The following MMP16 variants were observed in gnomAD, a reference collection of about 807,000 sequenced individuals.
MMP16 encodes matrix metallopeptidase 16.
MMP16 carries 12 observed loss-of-function variants against 67.8 expected under a neutral mutation model. The ratio of observed to expected loss-of-function variants is 0.18; its 90% confidence interval spans 0.11 to 0.29. MMP16 has a LOEUF of 0.29. Among genes scored for constraint, MMP16 ranks in the 10% least tolerant of loss-of-function variants. The pLI, the probability that MMP16 is intolerant of heterozygous loss-of-function variation, is 1.00. For missense variants in MMP16, 475 were observed against 765.7 expected, an observed-to-expected ratio of 0.62 and a Z score of 4.48; for synonymous variants, 249 against 255.9, an observed-to-expected ratio of 0.97 and a Z score of 0.26.
At chr8:88,107,708 C>A (rs1420021117) in intron 6 of MMP16, among the ~76,000 whole-genome samples, 2 of 150,982 alleles carry the variant, frequency 1.3e-5, no homozygotes, top group Non-Finnish European at 3.0e-5. Flanking sequence ...ACAAGTGTAG[C>A]CCTAGATGTT....
intron 5 of MMP16, 58 bp downstream of exon 5, chr8:88,118,642 C>T: frequency 6.8e-7 from 1 of 1,479,842 alleles, no homozygotes; most frequent in Non-Finnish European, 9.4e-7. Flanking sequence ...GAAGAAAACA[C>T]AGCAGAAATT....
At chr8:88,179,761 T>G (rs1474555411) in intron 3 of MMP16, among the ~76,000 whole-genome samples, 1 of 152,176 alleles carries the variant, frequency 6.6e-6, no homozygotes, top group East Asian at 1.9e-4. Context: ...AGACTTAGAT[T>G]ACTTGCACAT....
intron 1 of MMP16, among the ~76,000 whole-genome samples, chr8:88,239,672 T>A (rs145920982): frequency 9.7e-4 from 148 of 152,332 alleles, no homozygotes; most frequent in African/African-American, 3.1e-3. Context: ...TTATGTTTTT[T>A]AAATATAGTC....
intron 1 of MMP16, among the ~76,000 whole-genome samples, chr8:88,298,306 T>A (rs988860286): frequency 2.0e-5 from 3 of 152,210 alleles, no homozygotes; most frequent in Admixed American, 1.3e-4. Context: ...CATGTGACTA[T>A]CAAAGTGTAG....
Position 88,183,663 on chromosome 8 carries a change from T to C in MMP16, c.404+2813A>G, listed in dbSNP as rs182699789. On this transcript the variant is annotated intron_variant, in intron 3 of 9. Coordinates refer to ENST00000286614, the MANE Select transcript of MMP16 (RefSeq NM_005941.5). ...ATATGTGAACTATATAACGAAAGTGTAGTATTTATTTTCATAGATGCCATT... is the reference window on the plus strand; with the variant it reads ...ATATGTGAACTATATAACGAAAGTGCAGTATTTATTTTCATAGATGCCATT... 2.7e-3 allele frequency among the ~76,000 whole-genome samples: 414 copies of C among 151,498 alleles called. 4 individuals carry two copies. The Middle Eastern group carries it at 0.049, about 18-fold the overall frequency.
chr8:88,277,616 T>C, intron 1 of MMP16, among the ~76,000 whole-genome samples: 1 of 152,232 alleles, frequency 6.6e-6, no homozygotes, highest in East Asian at 1.9e-4. Flanking sequence ...TACAAGTGCC[T>C]TTGTAAACCA....
chr8:88,063,874 A>G (rs561412373), intron 7 of MMP16, among the ~76,000 whole-genome samples: 1 of 152,198 alleles, frequency 6.6e-6, no homozygotes, highest in South Asian at 2.1e-4. Context: ...GTGTTTATCA[A>G]TTAACCCACT....
chr8:88,265,261 C>T (rs73692211), intron 1 of MMP16, among the ~76,000 whole-genome samples: 13,977 of 119,808 alleles, frequency 0.12, 866 homozygotes, highest in South Asian at 0.19. Context: ...AGACAGAGTC[C>T]TAGGGAGGTC....
chr8:88,315,298 GC>G (rs1234171999), intron 1 of MMP16, among the ~76,000 whole-genome samples: 1 of 152,038 alleles, frequency 6.6e-6, no homozygotes, highest in Non-Finnish European at 1.5e-5. Flanking sequence ...AATATTTCAA[GC>G]TTTTTCATTA....
intron 1 of MMP16, among the ~76,000 whole-genome samples, chr8:88,206,879 C>A (rs1185328020): frequency 6.6e-6 from 1 of 152,086 alleles, no homozygotes; most frequent in Non-Finnish European, 1.5e-5. Context: ...TTACTGTGAT[C>A]ATTAAATAGT....
At chr8:88,129,757 C>A (rs940394395) in intron 4 of MMP16, among the ~76,000 whole-genome samples, 5 of 151,182 alleles carry the variant, frequency 3.3e-5, no homozygotes, top group Non-Finnish European at 7.4e-5. Context: ...AAAATTATAA[C>A]CTTAGTACCT....
At chr8:88,198,652 A>G (rs1809294024) in intron 1 of MMP16, among the ~76,000 whole-genome samples, 2 of 152,076 alleles carry the variant, frequency 1.3e-5, no homozygotes, top group Admixed American at 1.3e-4. Flanking sequence ...TTTTCATGGT[A>G]TTTCCAAAAA....
intron 6 of MMP16, among the ~76,000 whole-genome samples, chr8:88,110,772 A>C (rs987789578): frequency 6.6e-6 from 1 of 151,822 alleles, no homozygotes; most frequent in African/African-American, 2.4e-5. Flanking sequence ...ATGGCCATAT[A>C]CTATAATTTT....
intron 4 of MMP16, among the ~76,000 whole-genome samples, chr8:88,135,364 C>G (rs1205193395): frequency 6.6e-6 from 1 of 151,692 alleles, no homozygotes; most frequent in Admixed American, 6.6e-5. Context: ...AAAATAAGGT[C>G]CCAGTTTAAG....
chr8:88,057,507 A>G (rs1252956628), intron 7 of MMP16, among the ~76,000 whole-genome samples: 1 of 152,094 alleles, frequency 6.6e-6, no homozygotes. Flanking sequence ...TTGGATCTCT[A>G]GCACCTCCTG....
At chr8:88,235,445 G>C (rs1037651219) in intron 1 of MMP16, among the ~76,000 whole-genome samples, 1 of 151,158 alleles carries the variant, frequency 6.6e-6, no homozygotes, top group Non-Finnish European at 1.5e-5. Flanking sequence ...TAAGTAGTAA[G>C]TGATATGCCA....
chr8:88,276,813 T>A (rs1176791307), intron 1 of MMP16, among the ~76,000 whole-genome samples: 1 of 152,074 alleles, frequency 6.6e-6, no homozygotes. Context: ...TCTGCATTGG[T>A]TAAATTAATA....
chr8:88,154,359 A>G (rs1248770616), intron 4 of MMP16, among the ~76,000 whole-genome samples: 1 of 139,366 alleles, frequency 7.2e-6, no homozygotes, highest in African/African-American at 2.7e-5. Context: ...CAGCCATCCC[A>G]TTACTGGGTA....
chr8:88,143,398 G>A (rs1488595725), intron 4 of MMP16, among the ~76,000 whole-genome samples: 1 of 152,096 alleles, frequency 6.6e-6, no homozygotes, highest in Non-Finnish European at 1.5e-5. Context: ...CATAAAGTGT[G>A]AAGAGTTCTA....
Sources: allele counts gnomAD v4.1 joint callset (sites outside exome capture counted in the v4.1 genomes callset), GRCh38; gene constraint gnomAD v4.1.1; transcripts MANE v1.5; gene names NCBI Gene and HGNC (gene_info 2026-07-23, HGNC 2026-07-21).